The following RGL1 variants were observed in gnomAD, a reference collection of about 807,000 sequenced individuals.
RGL1 encodes ral guanine nucleotide dissociation stimulator-like 1.
A neutral mutation model predicts 95.2 loss-of-function variants in RGL1; 24 were observed. The observed-to-expected ratio is 0.25, with a 90% CI of 0.18 to 0.35. The LOEUF is 0.35. RGL1 is among the 10% of genes least tolerant of loss of function. RGL1 has a pLI of 1.00. For missense variants in RGL1, 715 were observed against 936.3 expected, an observed-to-expected ratio of 0.76 and a Z score of 3.08; for synonymous variants, 329 against 344.9, an observed-to-expected ratio of 0.95 and a Z score of 0.51.
chr1:183,868,986 C>T (rs1666002850), intron 4 of RGL1, among the ~76,000 whole-genome samples: 1 of 152,168 alleles, frequency 6.6e-6, no homozygotes, highest in Non-Finnish European at 1.5e-5. Context: ...GATGTGGTGG[C>T]ACATGCCTGT....
At chr1:183,700,829 C>A (rs1654550828) in intron 1 of RGL1, among the ~76,000 whole-genome samples, 1 of 152,160 alleles carries the variant, frequency 6.6e-6, no homozygotes, top group Non-Finnish European at 1.5e-5. Flanking sequence ...CAGGCTTGAG[C>A]CACCGTGCCT....
chr1:183,864,920 C>T (rs985411457), intron 3 of RGL1, among the ~76,000 whole-genome samples: 2 of 152,134 alleles, frequency 1.3e-5, no homozygotes, highest in African/African-American at 4.8e-5. Flanking sequence ...GAACAAGGAA[C>T]CATAAGGGTA....
intron 2 of RGL1, among the ~76,000 whole-genome samples, chr1:183,776,066 C>T (rs989976448): frequency 3.3e-5 from 5 of 151,114 alleles, no homozygotes; most frequent in African/African-American, 1.2e-4. Context: ...TTGAGTCATT[C>T]AGTTGAGTTA....
intron 3 of RGL1, among the ~76,000 whole-genome samples, chr1:183,850,429 T>C (rs1313266478): frequency 6.6e-6 from 1 of 152,248 alleles, no homozygotes. Flanking sequence ...TATATTCCAA[T>C]ATAAGTAAGG....
intron 10 of RGL1, among the ~76,000 whole-genome samples, chr1:183,899,083 A>G (rs1667869396): frequency 6.6e-6 from 1 of 152,226 alleles, no homozygotes; most frequent in African/African-American, 2.4e-5. Flanking sequence ...TGTAGGTAGA[A>G]GTGCCTCCAC....
chr1:183,817,694 A>G (rs916493345), intron 2 of RGL1, among the ~76,000 whole-genome samples: 2 of 152,210 alleles, frequency 1.3e-5, no homozygotes, highest in African/African-American at 4.8e-5. Flanking sequence ...AAGATGCTTA[A>G]TAAGTGATTT....
At chr1:183,918,958 G>T (rs1280683471) in intron 16 of RGL1, among the ~76,000 whole-genome samples, 1 of 152,190 alleles carries the variant, frequency 6.6e-6, no homozygotes. Context: ...AAATAAATCA[G>T]TCCAGGTTCA....
intron 1 of RGL1, among the ~76,000 whole-genome samples, chr1:183,718,734 G>C (rs746773285): frequency 6.6e-6 from 1 of 151,792 alleles, no homozygotes; most frequent in African/African-American, 2.4e-5. Flanking sequence ...GACCAACATG[G>C]TGAAACCCCC....
intron 1 of RGL1, among the ~76,000 whole-genome samples, chr1:183,691,433 A>C (rs1267452002): frequency 6.6e-6 from 1 of 152,242 alleles, no homozygotes; most frequent in Non-Finnish European, 1.5e-5. Flanking sequence ...GGAAGGAAAG[A>C]GATCTATGAA....
chr1:183,719,708 C>T (rs1415216039), intron 1 of RGL1, among the ~76,000 whole-genome samples: 2 of 152,180 alleles, frequency 1.3e-5, no homozygotes, highest in Non-Finnish European at 2.9e-5. Context: ...GAGTTTGAGA[C>T]CAGCCTGGCC....
At chr1:183,713,546 G>A (rs1655439311) in intron 1 of RGL1, among the ~76,000 whole-genome samples, 4 of 152,028 alleles carry the variant, frequency 2.6e-5, no homozygotes. Context: ...GGGCCTTTTG[G>A]AGGTAATTAG....
chr1:183,819,979 G>T (rs893364014), intron 2 of RGL1, among the ~76,000 whole-genome samples: 1 of 151,796 alleles, frequency 6.6e-6, no homozygotes, highest in African/African-American at 2.4e-5. Flanking sequence ...GAGATGGGGG[G>T]TCTCGCTATG....
At chr1:183,672,644 T>G (rs1652549721) in intron 1 of RGL1, among the ~76,000 whole-genome samples, 1 of 152,246 alleles carries the variant, frequency 6.6e-6, no homozygotes, top group Admixed American at 6.5e-5. Context: ...CTTATGTTTA[T>G]CATTTCTACA....
At chr1:183,850,749 A>G (rs1664782100) in intron 3 of RGL1, among the ~76,000 whole-genome samples, 1 of 152,198 alleles carries the variant, frequency 6.6e-6, no homozygotes, top group Non-Finnish European at 1.5e-5. Context: ...TTGAAAAATT[A>G]TATGAATTTT....
intron 1 of RGL1, among the ~76,000 whole-genome samples, chr1:183,686,917 T>G (rs570370006): frequency 3.3e-5 from 5 of 152,338 alleles, no homozygotes; most frequent in African/African-American, 1.2e-4. Flanking sequence ...TCCCAAAGAC[T>G]TCTCCATTTT....
At chr1:183,757,819 G>A (rs1572376683) in intron 2 of RGL1, among the ~76,000 whole-genome samples, 1 of 152,296 alleles carries the variant, frequency 6.6e-6, no homozygotes, top group East Asian at 1.9e-4. Context: ...GCTGTTTGGT[G>A]GCAGAGTAAG....
At chr1:183,906,190 G>A (rs940201376) in intron 13 of RGL1, among the ~76,000 whole-genome samples, 11 of 152,074 alleles carry the variant, frequency 7.2e-5, no homozygotes, top group Non-Finnish European at 1.3e-4. Flanking sequence ...AGGTCTGCCC[G>A]GCTCTACAGC....
chr1:183,718,730 C>A (rs777480940), intron 1 of RGL1, among the ~76,000 whole-genome samples: 1 of 151,820 alleles, frequency 6.6e-6, no homozygotes, highest in East Asian at 1.9e-4. Context: ...GCCTGACCAA[C>A]ATGGTGAAAC....
At chr1:183,733,500 G>A (rs544977865) in intron 1 of RGL1, among the ~76,000 whole-genome samples, 1 of 152,096 alleles carries the variant, frequency 6.6e-6, no homozygotes, top group Non-Finnish European at 1.5e-5. Flanking sequence ...CATGGGAAAG[G>A]TTTGCCATGT....
Sources: gnomAD v4.1 joint callset for allele counts (sites outside exome capture counted in the v4.1 genomes callset) on GRCh38, gnomAD v4.1.1 for gene constraint, MANE v1.5 for transcripts, NCBI Gene and HGNC (gene_info 2026-07-23, HGNC 2026-07-21) for gene names.